The following PCDHGA5 variants were observed in gnomAD, a reference collection of about 807,000 sequenced individuals.
The protein encoded by PCDHGA5 is protocadherin gamma subfamily A, 5, also known as protocadherin gamma-A5.
PCDHGA5 carries 36 observed loss-of-function variants against 56.7 expected under a neutral mutation model. The observed-to-expected ratio is 0.64, with a 90% confidence interval of 0.49 to 0.84. The LOEUF (loss-of-function observed/expected upper bound fraction) is 0.84. Ranked by LOEUF, PCDHGA5 falls within the 40% of genes least tolerant of loss-of-function variation. The pLI, the probability that PCDHGA5 is intolerant of heterozygous loss-of-function variation, is 0.00. For synonymous variants in PCDHGA5, 563 were observed against 520.2 expected (o/e 1.08, Z -1.12); for missense variants, 1,305 against 1,201.5 (o/e 1.09, Z -1.27).
chr5:141,369,965 TA>T (rs2149954345), intron 1 of PCDHGA5, among the ~76,000 whole-genome samples: 1 of 152,346 alleles, frequency 6.6e-6, no homozygotes, highest in African/African-American at 2.4e-5. Flanking sequence ...CTTTGACAAG[TA>T]AAAGGTACTT....
chr5:141,489,571 G>A lies in PCDHGA5; in HGVS notation c.2422-5236G>A, dbSNP rs1206848223. The A allele has an allele frequency of 1.9e-6, 3 of 1,613,884 alleles. No individual in the cohort carries two copies. The highest frequency in any genetic ancestry group is 2.2e-5 in the South Asian group (2 of 91,070). On this transcript the variant is annotated intron_variant, in intron 1 of 3. Transcript: ENST00000518069. The surrounding 1 kb of genome is among the most constrained non-coding windows in gnomAD (Gnocchi z 4.5). ...CCTGCTGCCAGTGCAGGTGGTGACT[G>A]AACACCCCCTGGAGCTAATCCGTGT...
In PCDHGA5 at chr5:141,490,996, G is replaced by A; in HGVS notation, c.2422-3811G>A. ...GCGTCTCCCTCGCTCTGCTCCTCCT[G>A]GCTCCTTGGTCACCAAGGTGACAGC... is the stretch of plus-strand genomic sequence containing the variant. On this transcript the variant is annotated intron_variant, in intron 1 of 3. Transcript: ENST00000518069. This position sits in a 1 kb window ranked among gnomAD's most constrained non-coding sequence, Gnocchi z 5.4. The A allele has an allele frequency of 6.2e-7, 1 of 1,614,090 alleles. No individual in the cohort carries two copies. The highest frequency in any genetic ancestry group is 8.5e-7 in the Non-Finnish European group (1 of 1,180,028).
intron 1 of PCDHGA5, chr5:141,409,807 C>T (rs1561723178): frequency 1.2e-6 from 2 of 1,611,592 alleles, no homozygotes; most frequent in Non-Finnish European, 1.7e-6. Flanking sequence ...TGCAGGCCCG[C>T]GACCACGGCT....
At chr5:141,393,579 C>T (rs2092799952) in intron 1 of PCDHGA5, 2 of 1,613,888 alleles carry the variant, frequency 1.2e-6, no homozygotes, top group Non-Finnish European at 1.7e-6. Context: ...TGAGAACATG[C>T]CCCCAGGCAC....
intron 1 of PCDHGA5, among the ~76,000 whole-genome samples, chr5:141,434,692 A>G (rs891952554): frequency 8.5e-5 from 13 of 152,082 alleles, no homozygotes; most frequent in African/African-American, 2.4e-4. Flanking sequence ...CTTGCTGTTA[A>G]TAAATATGTG....
intron 1 of PCDHGA5, chr5:141,374,379 G>C (rs1163047741): frequency 6.2e-7 from 1 of 1,614,042 alleles, no homozygotes; most frequent in Admixed American, 1.7e-5. Context: ...TGTGCTCAGA[G>C]CCCGCGGTGT....
chr5:141,382,576 G>A (rs1778302308), intron 1 of PCDHGA5, among the ~76,000 whole-genome samples: 1 of 152,162 alleles, frequency 6.6e-6, no homozygotes, highest in Non-Finnish European at 1.5e-5. Context: ...ATCTAACAGG[G>A]AAATTTTGAA....
intron 1 of PCDHGA5, among the ~76,000 whole-genome samples, chr5:141,492,593 A>T (rs907659087): frequency 1.3e-5 from 2 of 152,100 alleles, no homozygotes; most frequent in African/African-American, 4.8e-5. Context: ...GGAGCGCTGG[A>T]GCGACTGCCG....
Position 141,432,153 on chromosome 5 carries a change from A to T in PCDHGA5, c.2422-62654A>T. 6.2e-7 allele frequency: 1 copy of T among 1,613,758 alleles called. No homozygotes were observed. The highest frequency in any genetic ancestry group is 8.5e-7 in the Non-Finnish European group (1 of 1,179,910). On this transcript the variant is annotated intron_variant, in intron 1 of 3. Transcript: ENST00000518069. This position sits in a 1 kb window ranked among gnomAD's most constrained non-coding sequence, Gnocchi z 6.0. ...TATTCCGCTTATATCCCAGAGAACA[A>T]TCCCAGAGGAGTTTCCCTCGTCTCT...
At chr5:141,454,850 C>T (rs1208208678) in intron 1 of PCDHGA5, among the ~76,000 whole-genome samples, 3 of 132,848 alleles carry the variant, frequency 2.3e-5, no homozygotes, top group Non-Finnish European at 4.6e-5. Flanking sequence ...CTCTGTCACC[C>T]AGGCTGGAGT....
chr5:141,384,138 AAC>A (rs758587148), intron 1 of PCDHGA5: 5 of 1,612,622 alleles, frequency 3.1e-6, no homozygotes, highest in Non-Finnish European at 4.2e-6. Flanking sequence ...TGGACCGGGA[AAC>A]ACTCTCTTTG....
At chr5:141,409,967 AC>A (rs779248187) in intron 1 of PCDHGA5, 29 of 1,613,086 alleles carry the variant, frequency 1.8e-5, no homozygotes, top group Non-Finnish European at 2.4e-5. Flanking sequence ...CTACCTAGTG[AC>A]TAAGGTGGTA....
intron 2 of PCDHGA5, among the ~76,000 whole-genome samples, chr5:141,501,286 C>T (rs2099806802): frequency 8.9e-6 from 1 of 112,422 alleles, no homozygotes; most frequent in African/African-American, 3.5e-5. Context: ...GGGATATTCC[C>T]TTATACACAC....
Position 141,491,968 on chromosome 5 carries a change from G to GC in PCDHGA5, c.2422-2837dup. On this transcript the variant is annotated intron_variant, in intron 1 of 3. Coordinates refer to ENST00000518069, the MANE Select transcript of PCDHGA5 (RefSeq NM_018918.3). The surrounding 1 kb of genome is among the most constrained non-coding windows in gnomAD (Gnocchi z 6.9). ...ACCCCTACACTCAAAAAAGGCCGGG[G>GC]CCTCCTTCGAGCTTCCGGTGAATTT... 1.1e-6 allele frequency: 1 copy of GC among 923,644 alleles called. No homozygotes were observed. Among genetic ancestry groups the GC allele is most frequent in the Admixed American group, 3.6e-5 (1 of 27,548 alleles). 57.2% of individuals were successfully genotyped at this position (923,644 alleles called of 1,614,324 possible).
At chr5:141,403,143 T>A in intron 1 of PCDHGA5, 1 of 1,613,850 alleles carries the variant, frequency 6.2e-7, no homozygotes, top group Non-Finnish European at 8.5e-7. Flanking sequence ...GAGCGCCGAG[T>A]CCGCATCGTC....
Position 141,432,949 on chromosome 5 carries a change from C to T in PCDHGA5, c.2422-61858C>T. 1.2e-6 allele frequency: 2 copies of T among 1,614,184 alleles called. No homozygotes were observed. Among genetic ancestry groups the T allele is most frequent in the Non-Finnish European group, 1.7e-6 (2 of 1,180,040 alleles). On this transcript the variant is annotated intron_variant, in intron 1 of 3. Coordinates refer to ENST00000518069, the MANE Select transcript of PCDHGA5 (RefSeq NM_018918.3). This position sits in a 1 kb window ranked among gnomAD's most constrained non-coding sequence, Gnocchi z 6.0. Reference sequence around the variant, plus strand: ...CACGCCTGCTGCAGGCTTCAGGAGGCGGCTTGACAGGAGCGCCGGCGTCGC... The same window carrying T: ...CACGCCTGCTGCAGGCTTCAGGAGGTGGCTTGACAGGAGCGCCGGCGTCGC...
At chr5:141,399,309 C>G (rs2093783867) in intron 1 of PCDHGA5, 1 of 1,613,902 alleles carries the variant, frequency 6.2e-7, no homozygotes, top group Non-Finnish European at 8.5e-7. Context: ...TCTCTTCATC[C>G]AAAAATTCGT....
At chr5:141,374,754 G>C (rs1770811216) in intron 1 of PCDHGA5, 6 of 1,612,936 alleles carry the variant, frequency 3.7e-6, no homozygotes, top group Non-Finnish European at 4.2e-6. Context: ...GTCCGCTCAA[G>C]CGTCGCCCAA....
intron 1 of PCDHGA5, chr5:141,421,239 G>A (rs773410079): frequency 6.3e-7 from 1 of 1,599,000 alleles, no homozygotes; most frequent in South Asian, 1.1e-5. Context: ...TGGCGAATCG[G>A]CTACAGCGCG....
Sources: allele counts gnomAD v4.1 joint callset (sites outside exome capture counted in the v4.1 genomes callset), GRCh38; gene constraint gnomAD v4.1.1; non-coding constraint Gnocchi (gnomAD v3.1); transcripts MANE v1.5; gene names NCBI Gene and HGNC (gene_info 2026-07-23, HGNC 2026-07-21).